LUZP2: variants seen among roughly 807,000 people sequenced by gnomAD.
The protein encoded by LUZP2 is leucine zipper protein 2.
Under a neutral mutation model 51.6 loss-of-function variants are expected in LUZP2, and 52 were observed. The observed-to-expected ratio is 1.01, with a 90% CI of 0.81 to 1.27. The LOEUF (loss-of-function observed/expected upper bound fraction) is 1.27. Ranked by LOEUF, LUZP2 falls within the 50% of genes most tolerant of loss-of-function variation. The probability of loss-of-function intolerance (pLI) is 0.00; values close to 1 mark genes in which losing one functional copy is unlikely to be tolerated. For synonymous variants in LUZP2, 154 were observed against 137.3 expected (o/e 1.12, Z -0.85); for missense variants, 436 against 395.4 (o/e 1.10, Z -0.87).
rs556204040 is a variant in LUZP2 at position 24,975,927 on chromosome 11, T to C, written c.523-664T>C. Among the ~76,000 whole-genome samples the C allele has an allele frequency of 7.9e-5, 12 of 152,026 alleles. No individual in the cohort carries two copies. In the South Asian group the frequency reaches 2.3e-3, roughly 29 times the overall value. Reference sequence around the variant, plus strand: ...GTCATAACAAAATACCATCGACTAGTGTAAAAATAAAAATCTATTATCTCT... The same window carrying C: ...GTCATAACAAAATACCATCGACTAGCGTAAAAATAAAAATCTATTATCTCT... On this transcript the variant is annotated intron_variant, in intron 7 of 11. Coordinates refer to ENST00000336930, the MANE Select transcript of LUZP2 (RefSeq NM_001009909.4).
chr11:24,662,438 T>C (rs1856054118), intron 1 of LUZP2, among the ~76,000 whole-genome samples: 1 of 152,072 alleles, frequency 6.6e-6, no homozygotes, highest in South Asian at 2.1e-4. Flanking sequence ...TATAATATGA[T>C]TTACAAAATA....
rs1033968337 is a variant in LUZP2 at position 25,021,318 on chromosome 11, G to C, written c.766-28720G>C. On this transcript the variant is annotated intron_variant, in intron 9 of 11. Coordinates refer to ENST00000336930, the MANE Select transcript of LUZP2 (RefSeq NM_001009909.4). The stretch of plus-strand genomic sequence containing the variant: ...AATTTGTCAGAAAAAAAAAAAGGAT[G>C]TTTTGGGAAGTAGAAGAAATAGCCA... 5.3e-5 allele frequency among the ~76,000 whole-genome samples: 8 copies of C among 151,656 alleles called. 1 individual carries two copies. The highest frequency in any genetic ancestry group is 5.3e-4 in the Admixed American group (8 of 15,190).
chr11:24,688,380 T>C (rs1856962914), intron 1 of LUZP2, among the ~76,000 whole-genome samples: 1 of 152,162 alleles, frequency 6.6e-6, no homozygotes, highest in Admixed American at 6.5e-5. Context: ...GGAAGACTGT[T>C]TTGGAAGCAC....
intron 1 of LUZP2, among the ~76,000 whole-genome samples, chr11:24,514,647 C>T (rs770757455): frequency 6.6e-6 from 1 of 150,378 alleles, no homozygotes; most frequent in Non-Finnish European, 1.5e-5. Context: ...ACTTTGTTAA[C>T]ATAATTTTCT....
At chr11:25,050,837 A>G (rs748515420) in intron 10 of LUZP2, among the ~76,000 whole-genome samples, 6 of 152,352 alleles carry the variant, frequency 3.9e-5, no homozygotes, top group African/African-American at 1.2e-4. Context: ...CTCAGCATAC[A>G]GAGACATCAT....
chr11:24,763,280 G>A lies in LUZP2; in HGVS notation c.368G>A (p.Ser123Asn). The A allele has an allele frequency of 7.2e-7, 1 of 1,389,308 alleles. No individual in the cohort carries two copies. Among genetic ancestry groups the A allele is most frequent in the Non-Finnish European group, 9.5e-7 (1 of 1,051,060 alleles). The allele number at this position is 1,389,308 out of a possible 1,614,324, so 86.1% of individuals were successfully genotyped here. A position where few individuals can be genotyped will look rare whatever the true frequency, so the allele number is the denominator to read the frequency against. The change falls in exon 5 of 12, where the codon AGC becomes AAC. Residue 123 changes from serine to asparagine, a missense_variant. Ser to Asn is a conservative substitution (Grantham distance 46, BLOSUM62 1). Transcript: ENST00000336930. Reference sequence around the variant, plus strand: ...TTAAAGACTGAAGTTGAAAGAAAGAGCAAAATGATCCGAGACCTCCAGAAT... The same window carrying A: ...TTAAAGACTGAAGTTGAAAGAAAGAACAAAATGATCCGAGACCTCCAGAAT... ...NFLKTEVERK[S>N]KMIRDLQNEN...
chr11:25,042,269 A>T (rs903156573), intron 9 of LUZP2, among the ~76,000 whole-genome samples: 2 of 151,698 alleles, frequency 1.3e-5, no homozygotes, highest in Non-Finnish European at 2.9e-5. Flanking sequence ...TTTATTCTGG[A>T]ATTCTTGATT....
At chr11:24,961,133 C>A (rs1221623129) in intron 7 of LUZP2, among the ~76,000 whole-genome samples, 1 of 152,016 alleles carries the variant, frequency 6.6e-6, no homozygotes, top group African/African-American at 2.4e-5. Context: ...AATTTCTGTT[C>A]TTTTACATTT....
intron 3 of LUZP2, among the ~76,000 whole-genome samples, chr11:24,737,672 A>G (rs903638095): frequency 1.3e-5 from 2 of 152,116 alleles, no homozygotes; most frequent in Non-Finnish European, 2.9e-5. Flanking sequence ...ATAGGCATGC[A>G]TTTTTAAATT....
intron 3 of LUZP2, among the ~76,000 whole-genome samples, chr11:24,737,970 G>A (rs1278833624): frequency 6.6e-6 from 1 of 151,650 alleles, no homozygotes; most frequent in Non-Finnish European, 1.5e-5. Context: ...TTCAAACGTG[G>A]GATTTTTATA....
chr11:25,022,081 C>T (rs981078921), intron 9 of LUZP2, among the ~76,000 whole-genome samples: 4 of 152,060 alleles, frequency 2.6e-5, no homozygotes, highest in Non-Finnish European at 4.4e-5. Flanking sequence ...GAACACTCTC[C>T]CTGGACTCTT....
chr11:25,000,480 A>T (rs1856653366), intron 9 of LUZP2, among the ~76,000 whole-genome samples: 1 of 152,154 alleles, frequency 6.6e-6, no homozygotes, highest in South Asian at 2.1e-4. Flanking sequence ...AGTTGAGCTC[A>T]TTTGGGGTTC....
At position 24,600,213 on chromosome 11, in the gene LUZP2, ACACACG is replaced by A. The variant is rs1471998091; in HGVS notation, c.62+102913_62+102918del. ...CACACACACACACACACACACACAC[ACACACG>A]CACAATGGGGTAACATCATGTGAAG... On this transcript the variant is annotated intron_variant, in intron 1 of 11. Coordinates refer to ENST00000336930, the MANE Select transcript of LUZP2 (RefSeq NM_001009909.4). 5.7e-3 allele frequency among the ~76,000 whole-genome samples: 703 copies of A among 123,440 alleles called. 5 individuals are homozygous for A. The highest frequency in any genetic ancestry group is 0.017 in the African/African-American group (585 of 33,876). 81.0% of individuals were successfully genotyped at this position (123,440 alleles called of 152,430 possible). A position where few individuals can be genotyped will look rare whatever the true frequency, so the allele number is the denominator to read the frequency against.
chr11:24,978,144 C>T (rs1370341173), intron 8 of LUZP2, among the ~76,000 whole-genome samples: 1 of 151,414 alleles, frequency 6.6e-6, no homozygotes, highest in Non-Finnish European at 1.5e-5. Flanking sequence ...AGCTTGCCCC[C>T]TATTTTGTGA....
intron 9 of LUZP2, among the ~76,000 whole-genome samples, chr11:25,005,038 A>T (rs1856795397): frequency 6.6e-6 from 1 of 152,160 alleles, no homozygotes; most frequent in Non-Finnish European, 1.5e-5. Flanking sequence ...GGATCATCTG[A>T]AAACTTCCCC....
intron 10 of LUZP2, among the ~76,000 whole-genome samples, chr11:25,050,677 A>C (rs565660716): frequency 6.6e-6 from 1 of 152,242 alleles, no homozygotes; most frequent in East Asian, 1.9e-4. Context: ...GACAACTGTG[A>C]ATATGAGTTT....
At chr11:24,735,400 G>A (rs559500854) in intron 3 of LUZP2, among the ~76,000 whole-genome samples, 2 of 151,978 alleles carry the variant, frequency 1.3e-5, no homozygotes, top group Admixed American at 6.6e-5. Flanking sequence ...ACCCTGAAAT[G>A]TCTGAAAATT....
At chr11:24,642,871 A>G (rs565190055) in intron 1 of LUZP2, among the ~76,000 whole-genome samples, 100 of 152,284 alleles carry the variant, frequency 6.6e-4, no homozygotes, top group Middle Eastern at 3.4e-3. Flanking sequence ...ACTTGACAAG[A>G]TTCTTGCTGG....
chr11:24,935,546 A>G (rs553407868), intron 7 of LUZP2, among the ~76,000 whole-genome samples: 1 of 152,160 alleles, frequency 6.6e-6, no homozygotes, highest in Non-Finnish European at 1.5e-5. Context: ...GTAAAATTGC[A>G]TTTGAGTGCC....
Sources: gnomAD v4.1 joint callset for allele counts (sites outside exome capture counted in the v4.1 genomes callset) on GRCh38, gnomAD v4.1.1 for gene constraint, MANE v1.5 for transcripts, NCBI Gene and HGNC (gene_info 2026-07-23, HGNC 2026-07-21) for gene names.